SEMA4B: variants seen among roughly 807,000 people sequenced by gnomAD.
SEMA4B encodes the protein semaphorin 4B.
SEMA4B carries 55 observed loss-of-function variants against 88.1 expected under a neutral mutation model. The ratio of observed to expected loss-of-function variants is 0.62; its 90% CI spans 0.50 to 0.78. The LOEUF is 0.78. Ranked by LOEUF, SEMA4B falls within the 30% of genes least tolerant of loss-of-function variation. SEMA4B has a pLI of 0.00. For synonymous variants in SEMA4B, 525 were observed against 473.6 expected, an observed-to-expected ratio of 1.11 and a Z score of -1.41; for missense variants, 1,062 against 1,111.9, an observed-to-expected ratio of 0.96 and a Z score of 0.64.
chr15:90,208,073 G>A (rs1205166069), intron 1 of SEMA4B, among the ~76,000 whole-genome samples: 1 of 152,136 alleles, frequency 6.6e-6, no homozygotes, highest in Non-Finnish European at 1.5e-5. Context: ...GGCCAACGTG[G>A]TGAAACCCCA....
chr15:90,216,508 G>T (rs1183590191), intron 1 of SEMA4B, among the ~76,000 whole-genome samples: 1 of 152,100 alleles, frequency 6.6e-6, no homozygotes, highest in Admixed American at 6.6e-5. Context: ...ATATTATGAT[G>T]TCTGTCTGTC....
chr15:90,187,849 A>T (rs887415653), intron 1 of SEMA4B, among the ~76,000 whole-genome samples: 4 of 152,084 alleles, frequency 2.6e-5, no homozygotes, highest in Non-Finnish European at 1.5e-5. Flanking sequence ...TACTAAAAAT[A>T]CAAAAATTAG....
At chr15:90,204,113 G>T (rs994684958) in intron 1 of SEMA4B, among the ~76,000 whole-genome samples, 3 of 152,196 alleles carry the variant, frequency 2.0e-5, no homozygotes, top group Admixed American at 6.5e-5. Flanking sequence ...ATCCCAGGGG[G>T]CTCATTAGAT....
chr15:90,192,783 G>A (rs185103572), intron 1 of SEMA4B, among the ~76,000 whole-genome samples: 1 of 152,140 alleles, frequency 6.6e-6, no homozygotes, highest in Non-Finnish European at 1.5e-5. Context: ...TAGAGATGGG[G>A]TTTTGCCATA....
At position 90,217,588 on chromosome 15, in the gene SEMA4B, G is replaced by A. The variant is rs758123894; in HGVS notation, c.307G>A (p.Gly103Arg). 9 of 1,613,808 alleles carry A rather than the reference G, an allele frequency of 5.6e-6. No individual in the cohort carries two copies. The highest frequency in any genetic ancestry group is 2.2e-5 in the South Asian group (2 of 91,060). The stretch of plus-strand genomic sequence containing the variant: ...TAGCAACCTCAGCTTCCTGCCAGGC[G>A]GGGAGTACCAGGAGGTGAGAGATGT... ...LSSNLSFLPG[G>R]EYQELLWGAD... Residue 103 changes from glycine (G) to arginine (R), a missense_variant, in exon 2 of 14, where the codon GGG (glycine) becomes AGG (arginine). By Grantham distance (125) the Gly-to-Arg change is moderately radical. Transcript: ENST00000411539.
chr15:90,217,414 G>T, intron 1 of SEMA4B, 25 bp from the exon 2 acceptor site: 1 of 1,604,822 alleles, frequency 6.2e-7, no homozygotes, highest in Non-Finnish European at 8.5e-7. Context: ...GTGGCCCCAG[G>T]TAATACCCAT....
chr15:90,203,489 C>T (rs967163308), intron 1 of SEMA4B, among the ~76,000 whole-genome samples: 1 of 152,198 alleles, frequency 6.6e-6, no homozygotes, highest in Admixed American at 6.5e-5. Flanking sequence ...AACTCTGGAA[C>T]TGGATGGGAC....
In SEMA4B at chr15:90,221,739, G is replaced by C. The variant is rs758019392; in HGVS notation, c.835G>C (p.Val279Leu). The C allele has an allele frequency of 6.2e-7, 1 of 1,613,900 alleles. No homozygotes were observed. Among genetic ancestry groups the C allele is most frequent in the Non-Finnish European group, 8.5e-7 (1 of 1,179,880 alleles). ...QEFEFFENTIVSRIARICKGD... is the reference protein window; with the variant it reads ...QEFEFFENTILSRIARICKGD... ...ATTTGAGTTCTTTGAGAACACCATT[G>C]TGTCCCGCATTGCCCGCATCTGCAA... The change falls in exon 7 of 14, where the codon GTG (valine) becomes CTG (leucine). Residue 279 changes from valine to leucine, a missense_variant. Val to Leu is a conservative substitution (Grantham distance 32). Transcript: ENST00000411539.
intron 1 of SEMA4B, 136 bp downstream of exon 1, chr15:90,201,871 T>C (rs1356045220): frequency 1.8e-5 from 15 of 840,166 alleles, no homozygotes; most frequent in Non-Finnish European, 2.5e-5. Context: ...ACCCCTTCTT[T>C]TTTCAAGGCG....
Position 90,212,067 on chromosome 15 carries a change from C to T in SEMA4B, c.158-5372C>T, listed in dbSNP as rs149035385. On this transcript the variant is annotated intron_variant, in intron 1 of 13. Coordinates refer to ENST00000411539, the MANE Select transcript of SEMA4B (RefSeq NM_198925.4). This position sits in a 1 kb window ranked among gnomAD's most constrained non-coding sequence, Gnocchi z 4.0. ...CTCACCCCAGAGAGCTCCAGGCTTCCGGCTGAGTCACAGGGAAGGAGGACC... is the reference window on the plus strand; with the variant it reads ...CTCACCCCAGAGAGCTCCAGGCTTCTGGCTGAGTCACAGGGAAGGAGGACC... Among the ~76,000 whole-genome samples the T allele has an allele frequency of 4.8e-3, 732 of 152,218 alleles. 6 individuals carry two copies. The highest frequency in any genetic ancestry group is 0.017 in the African/African-American group (693 of 41,526).
At chr15:90,214,045 G>A (rs1458018264) in intron 1 of SEMA4B, among the ~76,000 whole-genome samples, 1 of 152,198 alleles carries the variant, frequency 6.6e-6, no homozygotes, top group Non-Finnish European at 1.5e-5. Flanking sequence ...GCTGCCAGGT[G>A]TAAAGCTGAG....
rs1225553464 is a variant in SEMA4B, at chr15:90,220,951, C to T, written c.484-31C>T. 5 of 1,427,346 alleles carry T rather than the reference C, an allele frequency of 3.5e-6. No homozygotes were observed. In the South Asian group the frequency reaches 3.6e-5, roughly 10 times the overall value. The allele number at this position is 1,427,346 out of a possible 1,614,324, so 88.4% of individuals were successfully genotyped here. On this transcript the variant is annotated intron_variant, in intron 4 of 13. Transcript: ENST00000411539. ...AGCCTGCTCCTCATTCCCTGGAGTGCCCCTGAGCCCATGTGTCCACCCTCC... is the reference window on the plus strand; with the variant it reads ...AGCCTGCTCCTCATTCCCTGGAGTGTCCCTGAGCCCATGTGTCCACCCTCC...
At chr15:90,214,914 C>T in intron 1 of SEMA4B, 3 of 1,140,602 alleles carry the variant, frequency 2.6e-6, no homozygotes, top group African/African-American at 1.6e-5. Context: ...TTCTTCATGT[C>T]TCCCCACCCT....
At chr15:90,190,089 C>A (rs1472967636) in intron 1 of SEMA4B, among the ~76,000 whole-genome samples, 2 of 152,198 alleles carry the variant, frequency 1.3e-5, no homozygotes, top group Non-Finnish European at 2.9e-5. Context: ...CTTGTGGGCT[C>A]CAGAGTCCCT....
chr15:90,208,232 A>C (rs1013864593), intron 1 of SEMA4B, among the ~76,000 whole-genome samples: 1 of 151,924 alleles, frequency 6.6e-6, no homozygotes, highest in Non-Finnish European at 1.5e-5. Context: ...CCAGCCTGGA[A>C]GACAAGAGCA....
intron 1 of SEMA4B, among the ~76,000 whole-genome samples, chr15:90,216,207 C>T (rs923559123): frequency 2.6e-5 from 4 of 151,970 alleles, no homozygotes; most frequent in Non-Finnish European, 4.4e-5. Context: ...AGGCTGGTCT[C>T]GAACTCAGGT....
In SEMA4B at chr15:90,224,865, G is replaced by A. The variant is rs757385447; in HGVS notation, c.1195-103G>A. The A allele has an allele frequency of 5.3e-6, 5 of 944,720 alleles. No individual in the cohort carries two copies. In the East Asian group the frequency reaches 9.7e-5, roughly 18 times the overall value. The allele number at this position is 944,720 out of a possible 1,614,324, so 58.5% of individuals were successfully genotyped here. Reference sequence around the variant, plus strand: ...TGCCAGGGATGTGCCCTGGCTCCGGGCGGGGGGACAGACACCGCTACTGTC... The same window carrying A: ...TGCCAGGGATGTGCCCTGGCTCCGGACGGGGGGACAGACACCGCTACTGTC... On this transcript the variant is annotated intron_variant, in intron 9 of 13. Transcript: ENST00000411539.
At chr15:90,227,245 G>T in intron 12 of SEMA4B, 1 of 311,578 alleles carries the variant, frequency 3.2e-6, no homozygotes, top group Non-Finnish European at 6.0e-6. Flanking sequence ...ATGGGGTCTC[G>T]CTATGTTGCC....
chr15:90,203,755 C>G (rs1430222940), intron 1 of SEMA4B, among the ~76,000 whole-genome samples: 1 of 152,184 alleles, frequency 6.6e-6, no homozygotes, highest in Non-Finnish European at 1.5e-5. Flanking sequence ...ACCTGAAATG[C>G]AGTCCACACT....
Sources: gnomAD v4.1 joint callset for allele counts (sites outside exome capture counted in the v4.1 genomes callset) on GRCh38, gnomAD v4.1.1 for gene constraint, Gnocchi (gnomAD v3.1) non-coding constraint, MANE v1.5 for transcripts, NCBI Gene and HGNC (gene_info 2026-07-23, HGNC 2026-07-21) for gene names.